Variants in NT5C2 observed in about 807,000 individuals in gnomAD.
NT5C2 encodes 5'-nucleotidase, cytosolic II, also known as cytosolic purine 5'-nucleotidase.
Under a neutral mutation model 76.1 loss-of-function variants are expected in NT5C2, and 58 were observed. The ratio of observed to expected loss-of-function variants is 0.76; its 90% CI spans 0.62 to 0.95. The LOEUF (loss-of-function observed/expected upper bound fraction) is 0.95. NT5C2 is among the 40% of genes least tolerant of loss of function. The pLI is 0.00. For missense variants in NT5C2, 478 were observed against 690.3 expected (o/e 0.69, Z 3.45); for synonymous variants, 229 against 237.4 (o/e 0.96, Z 0.32).
At position 103,168,378 on chromosome 10, in the gene NT5C2, A is replaced by G. The variant is rs182798888; in HGVS notation, c.101+6480T>C. On this transcript the variant is annotated intron_variant, in intron 3 of 18. Coordinates refer to ENST00000404739, the MANE Select transcript of NT5C2 (RefSeq NM_001351169.2). ...TCAGAGCTTTACAAACGTAAAAACT[A>G]AATACCTGACTTCGGTATCCTGGGC... Among the ~76,000 whole-genome samples the G allele has an allele frequency of 1.9e-3, 294 of 152,346 alleles. 2 individuals carry two copies. The highest frequency in any genetic ancestry group is 6.8e-3 in the African/African-American group (284 of 41,600).
intron 15 of NT5C2, 147 bp from the exon 16 acceptor site, chr10:103,091,762 CTCT>C (rs2066961561): frequency 1.5e-6 from 1 of 653,218 alleles, no homozygotes; most frequent in African/African-American, 1.8e-5. Flanking sequence ...TCCTCTTCCC[CTCT>C]TCAGGATAAC....
intron 4 of NT5C2, among the ~76,000 whole-genome samples, chr10:103,129,790 C>A (rs1289429434): frequency 3.8e-5 from 4 of 106,218 alleles, no homozygotes; most frequent in Non-Finnish European, 4.0e-5. Context: ...CCGCCCCGTC[C>A]GGGAGGTGAG....
intron 3 of NT5C2, among the ~76,000 whole-genome samples, chr10:103,143,041 C>T (rs1047034505): frequency 1.7e-4 from 25 of 149,870 alleles, no homozygotes; most frequent in Non-Finnish European, 4.5e-5. Flanking sequence ...GGAAAGGGAA[C>T]GGAAAGGGAA....
At chr10:103,107,407 G>C (rs191589807) in intron 4 of NT5C2, among the ~76,000 whole-genome samples, 1 of 152,294 alleles carries the variant, frequency 6.6e-6, no homozygotes. Flanking sequence ...AGGCGTGGTG[G>C]CTCATGCCTG....
At chr10:103,122,056 C>T (rs897016167) in intron 4 of NT5C2, among the ~76,000 whole-genome samples, 5 of 152,126 alleles carry the variant, frequency 3.3e-5, no homozygotes, top group Admixed American at 3.3e-4. Flanking sequence ...CGCCTGTAAT[C>T]CCAGCTACTT....
chr10:103,174,948 G>T lies in NT5C2; in HGVS notation c.11C>A (p.Ser4Tyr). The T allele has an allele frequency of 6.2e-7, 1 of 1,605,264 alleles. No individual in the cohort carries two copies. Among genetic ancestry groups the T allele is most frequent in the East Asian group, 2.2e-5 (1 of 44,822 alleles). Residue 4 changes from serine to tyrosine, a missense_variant, in exon 3 of 19, where the codon TCC (serine) becomes TAC (tyrosine). Physicochemically the swap from Ser to Tyr is moderately radical, Grantham distance 144 (BLOSUM62 -2). Coordinates refer to ENST00000404739, the MANE Select transcript of NT5C2 (RefSeq NM_001351169.2). MST[S>Y]WSDRLQNAAD... ...TGCATTCTGTAACCGATCACTCCAG[G>T]AGGTTGACATTTTATTTTAACTGTA...
chr10:103,117,278 T>C (rs1935323), intron 4 of NT5C2, among the ~76,000 whole-genome samples: 47,240 of 152,132 alleles, frequency 0.31, 7,471 homozygotes, highest in Middle Eastern at 0.36. Context: ...TATTATGAGA[T>C]ATGAGTAATA....
intron 4 of NT5C2, among the ~76,000 whole-genome samples, chr10:103,114,297 C>T (rs1269206235): frequency 6.6e-6 from 1 of 152,064 alleles, no homozygotes; most frequent in East Asian, 1.9e-4. Flanking sequence ...GTGGCGCACA[C>T]CTGTCGTGGT....
At chr10:103,123,569 T>A (rs2076107353) in intron 4 of NT5C2, among the ~76,000 whole-genome samples, 2 of 152,178 alleles carry the variant, frequency 1.3e-5, no homozygotes, top group Admixed American at 6.6e-5. Flanking sequence ...GTGGTAAGGA[T>A]TAAAAGGTAC....
chr10:103,114,426 TAAAA>T (rs1183596843), intron 4 of NT5C2, among the ~76,000 whole-genome samples: 2 of 151,476 alleles, frequency 1.3e-5, no homozygotes, highest in Non-Finnish European at 2.9e-5. Context: ...AATAAATAAA[TAAAA>T]AATAAAAATA....
chr10:103,137,887 G>A (rs1270678875), intron 4 of NT5C2, among the ~76,000 whole-genome samples: 2 of 152,136 alleles, frequency 1.3e-5, no homozygotes, highest in Non-Finnish European at 2.9e-5. Context: ...GGTGTTTAAG[G>A]GCTACAGGAT....
chr10:103,188,358 G>C (rs1022341671), intron 1 of NT5C2, among the ~76,000 whole-genome samples: 1 of 151,668 alleles, frequency 6.6e-6, no homozygotes, highest in African/African-American at 2.4e-5. Flanking sequence ...AATCAAAAAT[G>C]AATAAATAAA....
intron 4 of NT5C2, among the ~76,000 whole-genome samples, chr10:103,135,864 C>T (rs959456015): frequency 1.3e-5 from 2 of 152,122 alleles, no homozygotes; most frequent in African/African-American, 4.8e-5. Flanking sequence ...GCAGGTGGAT[C>T]ACCTGAGGTC....
At chr10:103,188,000 A>T (rs575467687) in intron 1 of NT5C2, among the ~76,000 whole-genome samples, 1 of 152,374 alleles carries the variant, frequency 6.6e-6, no homozygotes, top group South Asian at 2.1e-4. Context: ...TATAGAGCAT[A>T]ATTTTATGAC....
At chr10:103,175,013 TA>T in intron 2 of NT5C2, 31 bp from the exon 3 acceptor site, 1 of 1,259,898 alleles carries the variant, frequency 7.9e-7, no homozygotes, top group Non-Finnish European at 1.2e-6. Flanking sequence ...TTTAGTAACT[TA>T]ATATTGGCAT....
intron 4 of NT5C2, among the ~76,000 whole-genome samples, chr10:103,119,257 T>G (rs2075124173): frequency 6.6e-6 from 1 of 152,136 alleles, no homozygotes; most frequent in South Asian, 2.1e-4. Flanking sequence ...AAATCCCAGC[T>G]ACTCAGGAGG....
At chr10:103,175,296 G>A (rs1328640999) in intron 2 of NT5C2, among the ~76,000 whole-genome samples, 1 of 152,196 alleles carries the variant, frequency 6.6e-6, no homozygotes, top group Non-Finnish European at 1.5e-5. Context: ...ACAGCAGTTT[G>A]TGAAGATATA....
chr10:103,105,161 ATTC>A (rs2135231985), intron 6 of NT5C2, among the ~76,000 whole-genome samples: 1 of 152,310 alleles, frequency 6.6e-6, no homozygotes, highest in Non-Finnish European at 1.5e-5. Context: ...AATAAAGCTT[ATTC>A]TTATTTGTTT....
chr10:103,191,709 AC>A (rs35291480), intron 1 of NT5C2, among the ~76,000 whole-genome samples: 46,783 of 150,104 alleles, frequency 0.31, 7,352 homozygotes, highest in Middle Eastern at 0.36. Context: ...CTCCTTCAGA[AC>A]CCCCCCCACT....
Sources: allele counts gnomAD v4.1 joint callset (sites outside exome capture counted in the v4.1 genomes callset), GRCh38; gene constraint gnomAD v4.1.1; transcripts MANE v1.5; gene names NCBI Gene and HGNC (gene_info 2026-07-23, HGNC 2026-07-21).